Variants in HMGB1 observed in about 807,000 individuals in gnomAD.
HMGB1 encodes high mobility group box 1.
For synonymous variants in HMGB1, 81 were observed against 84.0 expected (o/e 0.96, Z 0.19); for missense variants, 79 against 253.5 (o/e 0.31, Z 4.67).
At chr13:30,599,176 G>A (rs180938826) in intron 1 of HMGB1, among the ~76,000 whole-genome samples, 297 of 152,230 alleles carry the variant, frequency 2.0e-3, no homozygotes, top group African/African-American at 6.7e-3. Flanking sequence ...CTGTCGTAAC[G>A]TAACACTACA....
intron 1 of HMGB1, among the ~76,000 whole-genome samples, chr13:30,496,726 G>A (rs114837013): frequency 0.01 from 1,578 of 152,252 alleles, 29 homozygotes; most frequent in African/African-American, 0.037. Context: ...AGGATTGCTT[G>A]TCCAGGCAAA....
At chr13:30,602,052 G>T (rs940404517) in intron 1 of HMGB1, among the ~76,000 whole-genome samples, 1 of 152,140 alleles carries the variant, frequency 6.6e-6, no homozygotes, top group South Asian at 2.1e-4. Context: ...ATGTACGAGC[G>T]TACAAGCCAG....
chr13:30,508,070 C>T (rs1180320005), intron 1 of HMGB1, among the ~76,000 whole-genome samples: 1 of 152,118 alleles, frequency 6.6e-6, no homozygotes, highest in Non-Finnish European at 1.5e-5. Context: ...AACTGTTACT[C>T]CCATATCATA....
At chr13:30,594,417 C>T (rs1018589728) in intron 1 of HMGB1, among the ~76,000 whole-genome samples, 11 of 152,140 alleles carry the variant, frequency 7.2e-5, no homozygotes, top group African/African-American at 2.7e-4. Flanking sequence ...GTCTACTGTT[C>T]CCATCTTTAT....
chr13:30,461,349 G>T lies in HMGB1; in HGVS notation c.*8C>A. The T allele has an allele frequency of 6.5e-7, 1 of 1,548,378 alleles. No homozygotes were observed. The highest frequency in any genetic ancestry group is 1.3e-5 in the South Asian group (1 of 79,050). On this transcript the variant is annotated 3_prime_UTR_variant, in exon 5 of 5. Transcript: ENST00000341423. ...AGACAAGAAAAAAAAAACTGCGCTA[G>T]AACCAACTTATTCATCATCATCATC...
At position 30,503,856 on chromosome 13, in the gene HMGB1, A is replaced by C. The variant is rs140255684; in HGVS notation, c.-14-40162T>G. ...AGGACTGCTTGAGCCCAGGAGTTTA[A>C]GGCTGCAGTGTGCTATGATCACACC... On this transcript the variant is annotated intron_variant, in intron 1 of 4. Coordinates refer to the HMGB1 transcript ENST00000405805. 7.3e-3 allele frequency among the ~76,000 whole-genome samples: 1,117 copies of C among 152,128 alleles called. 6 individuals carry two copies. Among genetic ancestry groups the C allele is most frequent in the Middle Eastern group, 0.031 (9 of 290 alleles).
chr13:30,594,417 C>G (rs1018589728), intron 1 of HMGB1, among the ~76,000 whole-genome samples: 1 of 152,140 alleles, frequency 6.6e-6, no homozygotes, highest in Non-Finnish European at 1.5e-5. Context: ...GTCTACTGTT[C>G]CCATCTTTAT....
intron 1 of HMGB1, among the ~76,000 whole-genome samples, chr13:30,484,387 C>G (rs1887311849): frequency 6.6e-6 from 1 of 152,186 alleles, no homozygotes; most frequent in Non-Finnish European, 1.5e-5. Context: ...GAGTCTATTA[C>G]CAGCTTTGCT....
intron 1 of HMGB1, among the ~76,000 whole-genome samples, chr13:30,596,781 T>C (rs1452235033): frequency 6.6e-6 from 1 of 152,222 alleles, no homozygotes; most frequent in East Asian, 1.9e-4. Context: ...ATTTCTGTAA[T>C]AGAAATGAAT....
intron 1 of HMGB1, among the ~76,000 whole-genome samples, chr13:30,538,742 CT>C (rs1868702645): frequency 4.7e-5 from 5 of 106,318 alleles, no homozygotes; most frequent in Admixed American, 2.1e-4. Context: ...TTCTTTCTTT[CT>C]TCTTTTTCTT....
chr13:30,492,625 T>C (rs1464403735), intron 1 of HMGB1, among the ~76,000 whole-genome samples: 1 of 152,160 alleles, frequency 6.6e-6, no homozygotes, highest in African/African-American at 2.4e-5. Flanking sequence ...TACCAAGTAT[T>C]GGTGAAGATG....
intron 1 of HMGB1, among the ~76,000 whole-genome samples, chr13:30,587,940 G>T (rs1366959094): frequency 6.6e-6 from 1 of 152,332 alleles, no homozygotes; most frequent in East Asian, 1.9e-4. Context: ...AAAAGCAAGT[G>T]TGAGAATGGA....
At chr13:30,502,070 G>C (rs754846851) in intron 1 of HMGB1, among the ~76,000 whole-genome samples, 8 of 152,114 alleles carry the variant, frequency 5.3e-5, no homozygotes, top group Non-Finnish European at 1.2e-4. Flanking sequence ...AGTATTCCAA[G>C]AATAGTTCTC....
intron 1 of HMGB1, among the ~76,000 whole-genome samples, chr13:30,568,168 GAT>G (rs1009186338): frequency 6.6e-6 from 1 of 152,070 alleles, no homozygotes; most frequent in Non-Finnish European, 1.5e-5. Context: ...CCCCCAAAAA[GAT>G]ATGTCCATGT....
intron 1 of HMGB1, among the ~76,000 whole-genome samples, chr13:30,583,844 A>G (rs1871024836): frequency 8.7e-6 from 1 of 115,156 alleles, no homozygotes; most frequent in African/African-American, 3.0e-5. Context: ...AAAAAAAAAG[A>G]AAGAAAGAAA....
chr13:30,510,650 C>T (rs138548040), intron 1 of HMGB1, among the ~76,000 whole-genome samples: 105 of 152,194 alleles, frequency 6.9e-4, no homozygotes, highest in East Asian at 5.4e-3. Flanking sequence ...CTTAGCGGCA[C>T]GGTTCCATTT....
At chr13:30,584,885 C>T (rs1345382373) in intron 1 of HMGB1, among the ~76,000 whole-genome samples, 1 of 152,082 alleles carries the variant, frequency 6.6e-6, no homozygotes, top group Non-Finnish European at 1.5e-5. Context: ...CAGTGGTTCA[C>T]GCCTGTAATC....
At position 30,461,754 on chromosome 13, in the gene HMGB1, T is replaced by C. The variant is rs1886354752; in HGVS notation, c.472-221A>G. On this transcript the variant is annotated intron_variant, in intron 4 of 4. Transcript: ENST00000341423. The stretch of plus-strand genomic sequence containing the variant: ...ATCTATAACTCATGAAATGGCATAG[T>C]CTAATATTTGCAAAGTTATGCCTCA... 7.4e-6 allele frequency: 9 copies of C among 1,222,978 alleles called. No individual in the cohort carries two copies. In the Admixed American group the frequency reaches 1.8e-4, roughly 24 times the overall value. The allele number at this position is 1,222,978 out of a possible 1,614,324, so 75.8% of individuals were successfully genotyped here. A position where few individuals can be genotyped will look rare whatever the true frequency, so the allele number is the denominator to read the frequency against.
chr13:30,554,533 G>C (rs1869590527), intron 1 of HMGB1: 1 of 846,486 alleles, frequency 1.2e-6, no homozygotes, highest in Non-Finnish European at 2.1e-6. Flanking sequence ...TACAGAAACG[G>C]TGGAAAGAAT....
Sources: allele counts gnomAD v4.1 joint callset (sites outside exome capture counted in the v4.1 genomes callset), GRCh38; gene constraint gnomAD v4.1.1; transcripts MANE v1.5; gene names NCBI Gene and HGNC (gene_info 2026-07-23, HGNC 2026-07-21).